Variants in DGKB observed in about 807,000 individuals in gnomAD.
DGKB encodes 90 kDa diacylglycerol kinase.
In DGKB, 67 loss-of-function variants were observed where a neutral mutation model predicts 114.3. The ratio of observed to expected loss-of-function variants is 0.59; its 90% CI spans 0.48 to 0.72. The LOEUF (loss-of-function observed/expected upper bound fraction) is 0.72. DGKB is among the 30% of genes least tolerant of loss of function. The pLI, the probability that DGKB is intolerant of heterozygous loss-of-function variation, is 0.00. For synonymous variants in DGKB, 398 were observed against 323.1 expected (o/e 1.23, Z -2.49); for missense variants, 907 against 975.2 (o/e 0.93, Z 0.93).
At chr7:14,747,304 C>T (rs2128424006) in intron 4 of DGKB, among the ~76,000 whole-genome samples, 1 of 151,478 alleles carries the variant, frequency 6.6e-6, no homozygotes, top group African/African-American at 2.4e-5. Context: ...GCAATCCTTC[C>T]ACCTCATCCT....
At chr7:14,667,090 A>G (rs1037920922) in intron 13 of DGKB, among the ~76,000 whole-genome samples, 4 of 152,098 alleles carry the variant, frequency 2.6e-5, no homozygotes, top group Non-Finnish European at 5.9e-5. Context: ...TATAAAAAGC[A>G]TTTCATCAGT....
chr7:14,479,068 C>T (rs185137744), intron 20 of DGKB, among the ~76,000 whole-genome samples: 6 of 152,168 alleles, frequency 3.9e-5, no homozygotes, highest in African/African-American at 1.2e-4. Context: ...GATATTTTCC[C>T]ATTCTTCAAC....
chr7:14,898,260 A>G (rs987229332), intron 1 of DGKB, among the ~76,000 whole-genome samples: 20 of 152,072 alleles, frequency 1.3e-4, no homozygotes, highest in Non-Finnish European at 2.6e-4. Context: ...GTAAGCAGAG[A>G]CAAAGAAGGT....
chr7:14,563,113 C>T (rs942941871), intron 20 of DGKB, among the ~76,000 whole-genome samples: 8 of 152,154 alleles, frequency 5.3e-5, no homozygotes, highest in South Asian at 2.1e-4. Flanking sequence ...CTGCTGTACA[C>T]GCTCTCTTGC....
At chr7:14,157,765 A>C (rs559454660) in intron 25 of DGKB, among the ~76,000 whole-genome samples, 13 of 152,220 alleles carry the variant, frequency 8.5e-5, no homozygotes, top group Non-Finnish European at 1.6e-4. Context: ...CTACAGAGAA[A>C]TGATCCTCAC....
chr7:14,701,563 G>C, intron 7 of DGKB, 118 bp downstream of exon 7: 1 of 709,236 alleles, frequency 1.4e-6, no homozygotes, highest in Non-Finnish European at 2.5e-6. Context: ...AATGCCATAT[G>C]AGTGGATGTA....
intron 1 of DGKB, among the ~76,000 whole-genome samples, chr7:14,867,665 A>C (rs1851881254): frequency 6.6e-6 from 1 of 152,136 alleles, no homozygotes; most frequent in Non-Finnish European, 1.5e-5. Context: ...AATGTAATTA[A>C]CTCATATAAA....
intron 1 of DGKB, among the ~76,000 whole-genome samples, chr7:14,954,221 G>C (rs1415668875): frequency 6.6e-6 from 1 of 152,010 alleles, no homozygotes; most frequent in Admixed American, 6.6e-5. Flanking sequence ...TCCGTGCTGA[G>C]ATTCTGCATT....
chr7:14,880,090 A>T (rs1853986328), intron 1 of DGKB, among the ~76,000 whole-genome samples: 1 of 152,184 alleles, frequency 6.6e-6, no homozygotes. Context: ...GGAAAGTGAC[A>T]TTTAAAGGGA....
intron 2 of DGKB, among the ~76,000 whole-genome samples, chr7:14,774,943 C>T (rs1415063467): frequency 6.6e-6 from 1 of 152,032 alleles, no homozygotes; most frequent in Non-Finnish European, 1.5e-5. Flanking sequence ...CAGGCAAGAT[C>T]ATTGCATTTT....
chr7:14,595,702 A>G (rs545910393), intron 17 of DGKB, among the ~76,000 whole-genome samples: 2 of 151,782 alleles, frequency 1.3e-5, no homozygotes, highest in Non-Finnish European at 2.9e-5. Context: ...CAAATAACAT[A>G]GTTTTATAAA....
At chr7:14,803,397 C>T (rs1008102162) in intron 2 of DGKB, among the ~76,000 whole-genome samples, 4 of 152,016 alleles carry the variant, frequency 2.6e-5, no homozygotes, top group Non-Finnish European at 5.9e-5. Context: ...ATTATTATAC[C>T]AGTTAATTCT....
chr7:14,435,626 C>T (rs1416106934), intron 21 of DGKB, among the ~76,000 whole-genome samples: 1 of 152,024 alleles, frequency 6.6e-6, no homozygotes, highest in Non-Finnish European at 1.5e-5. Flanking sequence ...AAGCTCCCAA[C>T]ATTATATTCA....
At chr7:14,881,676 G>C (rs1292380587) in intron 1 of DGKB, among the ~76,000 whole-genome samples, 2 of 152,038 alleles carry the variant, frequency 1.3e-5, no homozygotes, top group East Asian at 3.9e-4. Flanking sequence ...TTGTAGGGTT[G>C]TGTACCTTTC....
chr7:14,147,364 T>C lies in DGKB; in HGVS notation c.*1767A>G, dbSNP rs1781586381. 1 of 152,204 alleles carries C rather than the reference T, an allele frequency of 6.6e-6. No individual in the cohort carries two copies. The highest frequency in any genetic ancestry group is 6.5e-5 in the Admixed American group (1 of 15,278). The allele number at this position is 152,204 out of a possible 1,614,324, so 9.4% of individuals were successfully genotyped here. ...TTAAAGTAATTAAGCTTATTGTTGATTGATATTTACCGTCCAATGTTCCAG... is the reference window on the plus strand; with the variant it reads ...TTAAAGTAATTAAGCTTATTGTTGACTGATATTTACCGTCCAATGTTCCAG... On this transcript the variant is annotated 3_prime_UTR_variant, in exon 26 of 26. Transcript: ENST00000402815.
intron 21 of DGKB, among the ~76,000 whole-genome samples, chr7:14,449,025 T>C (rs1037170476): frequency 6.6e-6 from 1 of 152,088 alleles, no homozygotes; most frequent in Non-Finnish European, 1.5e-5. Context: ...ACAAGTGTCC[T>C]TAGGAACTCA....
intron 23 of DGKB, among the ~76,000 whole-genome samples, chr7:14,315,922 T>A (rs1186979003): frequency 6.6e-6 from 1 of 151,676 alleles, no homozygotes; most frequent in Non-Finnish European, 1.5e-5. Context: ...ACAGAAATTA[T>A]AACAAACTGT....
At chr7:14,715,480 T>G (rs888773675) in intron 6 of DGKB, among the ~76,000 whole-genome samples, 2 of 152,012 alleles carry the variant, frequency 1.3e-5, no homozygotes, top group African/African-American at 4.8e-5. Context: ...TGGTAATTGG[T>G]ACCAACAAGG....
At chr7:14,646,674 A>G (rs1813087692) in intron 13 of DGKB, among the ~76,000 whole-genome samples, 1 of 152,130 alleles carries the variant, frequency 6.6e-6, no homozygotes, top group Non-Finnish European at 1.5e-5. Context: ...AATCAGAATC[A>G]ATATTAAGAA....
Sources: allele counts gnomAD v4.1 joint callset (sites outside exome capture counted in the v4.1 genomes callset), GRCh38; gene constraint gnomAD v4.1.1; transcripts MANE v1.5; gene names NCBI Gene and HGNC (gene_info 2026-07-23, HGNC 2026-07-21).